Variants in UBR3 observed in about 807,000 individuals in gnomAD.
UBR3 encodes the protein E3 ubiquitin-protein ligase UBR3.
UBR3 carries 85 observed loss-of-function variants against 243.2 expected under a neutral mutation model. The ratio of observed to expected loss-of-function variants is 0.35; its 90% CI spans 0.29 to 0.42. UBR3 has a LOEUF of 0.42. Ranked by LOEUF, UBR3 falls within the 10% of genes least tolerant of loss-of-function variation. The pLI, the probability that UBR3 is intolerant of heterozygous loss-of-function variation, is 1.00. For synonymous variants in UBR3, 748 were observed against 799.8 expected, an observed-to-expected ratio of 0.94 and a Z score of 1.09; for missense variants, 1,686 against 2,300.8, an observed-to-expected ratio of 0.73 and a Z score of 5.47.
chr2:170,067,640 TTA>T (rs1217359872), intron 35 of UBR3, among the ~76,000 whole-genome samples: 3 of 152,098 alleles, frequency 2.0e-5, no homozygotes, highest in African/African-American at 7.2e-5. Flanking sequence ...AAGAAGTGAG[TTA>T]TAAAGTGTGT....
intron 24 of UBR3, among the ~76,000 whole-genome samples, chr2:169,961,379 T>TG (rs1168483358): frequency 6.6e-6 from 1 of 152,120 alleles, no homozygotes. Flanking sequence ...GTCAAGGTAT[T>TG]GCTATGTTAC....
Position 169,915,088 on chromosome 2 carries a change from T to C in UBR3, c.1866+942T>C, listed in dbSNP as rs189205753. ...AAAAATCATTAATATATTATTAACA[T>C]TTAATTCTTATAACTCATTCATGTT... On this transcript the variant is annotated intron_variant, in intron 11 of 38. Transcript: ENST00000272793. 5.1e-3 allele frequency among the ~76,000 whole-genome samples: 771 copies of C among 152,324 alleles called. 4 individuals carry two copies. Among genetic ancestry groups the C allele is most frequent in the African/African-American group, 0.018 (749 of 41,558 alleles).
At chr2:170,015,446 T>G in intron 30 of UBR3, 80 bp downstream of exon 30, 3 of 1,162,836 alleles carry the variant, frequency 2.6e-6, no homozygotes, top group Non-Finnish European at 3.7e-6. Flanking sequence ...CATTTTGGTA[T>G]ATTTCAAATT....
chr2:169,828,074 G>A, intron 1 of UBR3, 22 bp downstream of exon 1: 1 of 1,358,732 alleles, frequency 7.4e-7, no homozygotes, highest in Non-Finnish European at 9.5e-7. Flanking sequence ...CCTCCCCGCG[G>A]GCGAGGCGAC....
At chr2:169,890,525 GGA>G (rs781214598) in intron 5 of UBR3, among the ~76,000 whole-genome samples, 740 of 67,460 alleles carry the variant, frequency 0.011, 7 homozygotes, top group East Asian at 0.018. Flanking sequence ...GGTTTTTCTA[GGA>G]GAGAGAGAGA....
chr2:170,024,504 G>T (rs1003269944), intron 30 of UBR3, among the ~76,000 whole-genome samples: 1 of 151,990 alleles, frequency 6.6e-6, no homozygotes, highest in African/African-American at 2.4e-5. Context: ...GGATATTCCT[G>T]AGGTCATAAA....
intron 4 of UBR3, 147 bp from the exon 5 acceptor site, chr2:169,878,378 G>T: frequency 1.1e-5 from 6 of 555,032 alleles, no homozygotes; most frequent in East Asian, 3.8e-5. Flanking sequence ...AAAAAAAAAA[G>T]TTGGACTTTG....
chr2:169,921,637 C>T lies in UBR3; in HGVS notation c.1867-2292C>T, dbSNP rs116455362. ...TATTATTCCTACTTTAAGGATCAGA[C>T]AACTTAGGCACAGAGAGGTAACTTG... On this transcript the variant is annotated intron_variant, in intron 11 of 38. Transcript: ENST00000272793. Among the ~76,000 whole-genome samples, 482 of 152,300 alleles carry T rather than the reference C, an allele frequency of 3.2e-3. 1 individual carries two copies. The highest frequency in any genetic ancestry group is 0.011 in the African/African-American group (455 of 41,548).
intron 8 of UBR3, among the ~76,000 whole-genome samples, chr2:169,898,463 T>C (rs1574151310): frequency 6.6e-6 from 1 of 152,164 alleles, no homozygotes; most frequent in East Asian, 1.9e-4. Flanking sequence ...TTTGAAGGTA[T>C]TGTCATCTCC....
intron 35 of UBR3, among the ~76,000 whole-genome samples, chr2:170,072,641 G>A (rs1025957586): frequency 1.3e-5 from 2 of 151,946 alleles, no homozygotes; most frequent in African/African-American, 4.8e-5. Context: ...AGATTTGAAG[G>A]ACTAATTATA....
intron 11 of UBR3, among the ~76,000 whole-genome samples, chr2:169,920,778 C>G (rs2085666685): frequency 6.6e-6 from 1 of 152,166 alleles, no homozygotes. Context: ...ATGTCCCCTG[C>G]CCTGCCTCCA....
At chr2:169,839,467 G>C (rs1292491539) in intron 1 of UBR3, among the ~76,000 whole-genome samples, 3 of 151,950 alleles carry the variant, frequency 2.0e-5, no homozygotes, top group Non-Finnish European at 2.9e-5. Context: ...CTATCAGTAG[G>C]GTAACTGTAG....
chr2:170,056,935 G>T (rs189574592), intron 33 of UBR3, among the ~76,000 whole-genome samples: 1 of 152,188 alleles, frequency 6.6e-6, no homozygotes, highest in Non-Finnish European at 1.5e-5. Context: ...AACTGTCTAA[G>T]CCTCAGCTTT....
chr2:170,073,373 A>G, intron 35 of UBR3, 55 bp from the exon 36 acceptor site: 1 of 1,599,140 alleles, frequency 6.3e-7, no homozygotes, highest in South Asian at 1.1e-5. Flanking sequence ...CTTTTATGTA[A>G]TAGGAAATGT....
intron 35 of UBR3, among the ~76,000 whole-genome samples, chr2:170,069,123 C>CA (rs1285362376): frequency 6.6e-6 from 1 of 152,020 alleles, no homozygotes; most frequent in African/African-American, 2.4e-5. Context: ...CTTCTGAACT[C>CA]AATTTATAAG....
intron 5 of UBR3, among the ~76,000 whole-genome samples, chr2:169,879,434 G>A (rs928469062): frequency 6.6e-6 from 1 of 152,064 alleles, no homozygotes; most frequent in Admixed American, 6.5e-5. Flanking sequence ...TTCACACAAT[G>A]TTACATTTTG....
rs147179467 is a variant in UBR3 at position 169,927,302 on chromosome 2, C to G, written c.2339-18C>G. 6.5e-7 allele frequency: 1 copy of G among 1,538,630 alleles called. No individual in the cohort carries two copies. Among genetic ancestry groups the G allele is most frequent in the East Asian group, 2.5e-5 (1 of 40,806 alleles). On this transcript the variant is annotated intron_variant, in intron 16 of 38. Coordinates refer to ENST00000272793, the MANE Select transcript of UBR3 (RefSeq NM_172070.4). ...TATGTATACTCAGATTTGTTAATTC[C>G]GTTTTTAATAATTTTAGGAATGTCT...
intron 24 of UBR3, among the ~76,000 whole-genome samples, chr2:169,983,448 A>G (rs1019287883): frequency 6.6e-6 from 1 of 151,712 alleles, no homozygotes; most frequent in Non-Finnish European, 1.5e-5. Flanking sequence ...TTTAGTAGAG[A>G]TGGGGTTTTG....
chr2:170,019,184 A>C (rs778590152), intron 30 of UBR3, among the ~76,000 whole-genome samples: 2 of 152,354 alleles, frequency 1.3e-5, no homozygotes, highest in South Asian at 4.1e-4. Flanking sequence ...AGGATAAGGC[A>C]AACTCTTGCC....
Sources: gnomAD v4.1 joint callset for allele counts (sites outside exome capture counted in the v4.1 genomes callset) on GRCh38, gnomAD v4.1.1 for gene constraint, MANE v1.5 for transcripts, NCBI Gene and HGNC (gene_info 2026-07-23, HGNC 2026-07-21) for gene names.